FBXL20: variants seen among roughly 807,000 people sequenced by gnomAD.
FBXL20 encodes the protein F-box and leucine rich repeat protein 20, also known as F-box/LRR-repeat protein 20.
A neutral mutation model predicts 64.0 loss-of-function variants in FBXL20; 11 were observed. The ratio of observed to expected loss-of-function variants is 0.17; its 90% CI spans 0.11 to 0.28. The LOEUF is 0.28. Among genes scored for constraint, FBXL20 ranks in the 10% least tolerant of loss-of-function variants. The pLI, the probability that FBXL20 is intolerant of heterozygous loss-of-function variation, is 1.00. For missense variants in FBXL20, 303 were observed against 526.2 expected (o/e 0.58, Z 4.15); for synonymous variants, 184 against 189.0 (o/e 0.97, Z 0.22).
intron 7 of FBXL20, among the ~76,000 whole-genome samples, chr17:39,285,062 T>G (rs1443123892): frequency 6.6e-6 from 1 of 152,034 alleles, no homozygotes; most frequent in African/African-American, 2.4e-5. Context: ...CACGCCACCA[T>G]GCCCAACTAA....
chr17:39,383,397 G>T (rs2048045678), intron 1 of FBXL20, among the ~76,000 whole-genome samples: 1 of 151,948 alleles, frequency 6.6e-6, no homozygotes, highest in South Asian at 2.1e-4. Flanking sequence ...GAGGTGGGAA[G>T]ATCAAATGAA....
intron 1 of FBXL20, among the ~76,000 whole-genome samples, chr17:39,391,336 A>G (rs2048131795): frequency 6.6e-6 from 1 of 152,094 alleles, no homozygotes; most frequent in Non-Finnish European, 1.5e-5. Flanking sequence ...TACAAAGTCT[A>G]ACTGGCTTTT....
chr17:39,303,403 GTA>G (rs1411195884), intron 3 of FBXL20, among the ~76,000 whole-genome samples, 180 bp downstream of exon 3: 5 of 152,172 alleles, frequency 3.3e-5, no homozygotes, highest in Non-Finnish European at 7.3e-5. Flanking sequence ...GTCAGAGACA[GTA>G]TATATAGTAG....
rs754453193 is a variant in FBXL20, at chr17:39,268,874, A to T, written c.889-3T>A. The T allele has an allele frequency of 1.9e-6, 3 of 1,613,476 alleles. No individual in the cohort carries two copies. Among genetic ancestry groups the T allele is most frequent in the Middle Eastern group, 3.3e-4 (2 of 6,056 alleles). On this transcript the variant is annotated splice_polypyrimidine_tract_variant and splice_region_variant and intron_variant, in intron 11 of 14. Coordinates refer to ENST00000264658, the MANE Select transcript of FBXL20 (RefSeq NM_032875.3). ...ATCTTTTCAAGTTCATGGCAATTCT[A>T]CAAAGTACAAAAACAAACACAAACA...
At chr17:39,261,609 A>G in intron 14 of FBXL20, 42 bp from the exon 15 acceptor site, 1 of 1,436,982 alleles carries the variant, frequency 7.0e-7, no homozygotes, top group Non-Finnish European at 9.7e-7. Context: ...GAGAGGGCTT[A>G]AACAGAAAGA....
At chr17:39,291,321 C>CT (rs1491096800) in intron 6 of FBXL20, among the ~76,000 whole-genome samples, 3 of 149,590 alleles carry the variant, frequency 2.0e-5, no homozygotes, top group Non-Finnish European at 4.5e-5. Context: ...ATTTAATTTA[C>CT]TTTTTTCTAT....
At chr17:39,357,953 T>C (rs2047758399) in intron 1 of FBXL20, among the ~76,000 whole-genome samples, 1 of 152,188 alleles carries the variant, frequency 6.6e-6, no homozygotes, top group Non-Finnish European at 1.5e-5. Flanking sequence ...TAGTTCAGGT[T>C]TTCCAGAGAA....
At chr17:39,367,212 T>C (rs968434752) in intron 1 of FBXL20, among the ~76,000 whole-genome samples, 3 of 152,148 alleles carry the variant, frequency 2.0e-5, no homozygotes, top group African/African-American at 7.2e-5. Flanking sequence ...GAAGTTTATA[T>C]TTTTCAATCT....
intron 2 of FBXL20, among the ~76,000 whole-genome samples, chr17:39,310,233 C>T (rs1027916949): frequency 2.0e-5 from 3 of 151,782 alleles, no homozygotes; most frequent in Non-Finnish European, 4.4e-5. Flanking sequence ...TGGGTGACAT[C>T]AGCTGGAACC....
In FBXL20 at chr17:39,281,485, A is replaced by G. The variant is rs758288134; in HGVS notation, c.622-22T>C. Reference sequence around the variant, plus strand: ...CTAGCTAGAAAGATTAAAAAGTAAGAAAAAAATGATTATTGACATTGTCTC... The same window carrying G: ...CTAGCTAGAAAGATTAAAAAGTAAGGAAAAAATGATTATTGACATTGTCTC... On this transcript the variant is annotated intron_variant, in intron 8 of 14. Coordinates refer to ENST00000264658, the MANE Select transcript of FBXL20 (RefSeq NM_032875.3). 2.5e-6 allele frequency: 4 copies of G among 1,585,544 alleles called. No homozygotes were observed. In the African/African-American group the frequency reaches 4.0e-5, roughly 16 times the overall value.
chr17:39,287,216 ATCTATT>A (rs1368390644), intron 6 of FBXL20, among the ~76,000 whole-genome samples: 1 of 151,884 alleles, frequency 6.6e-6, no homozygotes, highest in African/African-American at 2.4e-5. Flanking sequence ...CGGCCTTGGT[ATCTATT>A]TCTAATAGGT....
At chr17:39,367,318 T>C (rs1427003688) in intron 1 of FBXL20, among the ~76,000 whole-genome samples, 2 of 151,004 alleles carry the variant, frequency 1.3e-5, no homozygotes, top group African/African-American at 2.4e-5. Context: ...CTTTTTCTTT[T>C]CTTTTTTTTT....
intron 1 of FBXL20, among the ~76,000 whole-genome samples, chr17:39,361,745 C>T (rs1239587915): frequency 6.6e-6 from 1 of 151,800 alleles, no homozygotes; most frequent in East Asian, 1.9e-4. Context: ...TGCAGTGAGC[C>T]GAGATCGCAC....
intron 2 of FBXL20, among the ~76,000 whole-genome samples, chr17:39,310,922 G>GT (rs1332579705): frequency 1.3e-5 from 2 of 151,972 alleles, no homozygotes; most frequent in Non-Finnish European, 2.9e-5. Flanking sequence ...GGGGGCAGAG[G>GT]TTGCAGTGAA....
At chr17:39,382,442 C>CAAAAAA (rs543348192) in intron 1 of FBXL20, among the ~76,000 whole-genome samples, 1 of 88,194 alleles carries the variant, frequency 1.1e-5, no homozygotes, top group Non-Finnish European at 2.5e-5. Context: ...GACTCCATCT[C>CAAAAAA]AAAAAAAAAA....
chr17:39,351,734 T>G (rs1005269912), intron 1 of FBXL20, among the ~76,000 whole-genome samples: 5 of 152,144 alleles, frequency 3.3e-5, no homozygotes, highest in African/African-American at 1.2e-4. Flanking sequence ...AAGGAAGTAA[T>G]CAGCAGAAAA....
rs766224502 is a variant in FBXL20, at chr17:39,264,252, T to C, written c.1126A>G (p.Lys376Glu). 6.2e-7 allele frequency: 1 copy of C among 1,614,246 alleles called. No individual in the cohort carries two copies. Among genetic ancestry groups the C allele is most frequent in the Non-Finnish European group, 8.5e-7 (1 of 1,180,048 alleles). ...ATCCGCTCAAGGCTATGACAGCTCT[T>C]CAAGTGCTCCAGGGATGCATCTGTG... Reference protein sequence around the residue: ...LITDASLEHLKSCHSLERIEL... With the variant: ...LITDASLEHLESCHSLERIEL... The change falls in exon 14 of 15, where the codon AAG becomes GAG. Residue 376 changes from lysine to glutamate, a missense_variant. Around this residue, in one of 3 missense-constraint regions of FBXL20, gnomAD observed 56 missense variants for 86.0 expected, o/e 0.65. Transcript: ENST00000264658.
chr17:39,297,090 G>A (rs1310651424), intron 6 of FBXL20, 37 bp downstream of exon 6: 7 of 1,466,090 alleles, frequency 4.8e-6, no homozygotes, highest in Non-Finnish European at 5.7e-6. Flanking sequence ...AGACATAAGG[G>A]GTTATGACTT....
intron 1 of FBXL20, among the ~76,000 whole-genome samples, chr17:39,357,360 C>T (rs553341702): frequency 6.6e-6 from 1 of 151,652 alleles, no homozygotes; most frequent in East Asian, 1.9e-4. Flanking sequence ...TAAATGTTGG[C>T]ATTATTTCTA....
Sources: allele counts gnomAD v4.1 joint callset (sites outside exome capture counted in the v4.1 genomes callset), GRCh38; gene constraint gnomAD v4.1.1; regional missense constraint gnomAD v4.1.1; transcripts MANE v1.5; gene names NCBI Gene and HGNC (gene_info 2026-07-23, HGNC 2026-07-21).